The following VWA5B1 variants were observed in gnomAD, a reference collection of about 807,000 sequenced individuals.
The protein encoded by VWA5B1 is von Willebrand factor A domain containing 5B1.
In VWA5B1, 115 loss-of-function variants were observed where a neutral mutation model predicts 118.2. The ratio of observed to expected loss-of-function variants is 0.97; its 90% CI spans 0.84 to 1.14. The LOEUF (loss-of-function observed/expected upper bound fraction) is 1.14. Among genes scored for constraint, VWA5B1 ranks in the 50% most tolerant of loss-of-function variants. The pLI, the probability that VWA5B1 is intolerant of heterozygous loss-of-function variation, is 0.00. For synonymous variants in VWA5B1, 682 were observed against 658.4 expected (o/e 1.04, Z -0.55); for missense variants, 1,596 against 1,603.8 (o/e 1.00, Z 0.08).
chr1:20,343,265 C>T lies in VWA5B1; in HGVS notation c.2498C>T (p.Thr833Ile), dbSNP rs1302054918. 2.6e-6 allele frequency: 4 copies of T among 1,548,558 alleles called. No homozygotes were observed. Among genetic ancestry groups the T allele is most frequent in the African/African-American group, 1.4e-5 (1 of 73,146 alleles). ...TGGGAGGTGAGCTTCGAGCTGGGGA[C>T]CCCTGGACCGGAGCGGGGCGGCGCG... ...LQWEVSFELG[T>I]PGPERGGAQD... Residue 833 changes from threonine to isoleucine, a missense_variant, in exon 16 of 22, where the codon ACC becomes ATC. Transcript: ENST00000289815.
chr1:20,334,184 T>C (rs534477766), intron 12 of VWA5B1, among the ~76,000 whole-genome samples: 2 of 152,314 alleles, frequency 1.3e-5, no homozygotes, highest in East Asian at 3.9e-4. Context: ...TTTTTTAATG[T>C]TATGAAATGT....
rs2089759093 is a variant in VWA5B1, at chr1:20,337,706, C to A, written c.2003C>A (p.Pro668His). The stretch of plus-strand genomic sequence containing the variant: ...ACCAACCAGATCACCAATCACAAGC[C>A]CCTCCCAAGAGCCACCATGGCAAGT... ...YSTNQITNHK[P>H]LPRATMASDP... is the part of the protein sequence containing the mutation. Residue 668 changes from proline to histidine, a missense_variant, in exon 14 of 22, where the codon CCC becomes CAC. Pro to His is a moderately conservative substitution (Grantham distance 77, BLOSUM62 -2). Transcript: ENST00000289815. The A allele has an allele frequency of 1.3e-6, 2 of 1,551,602 alleles. No individual in the cohort carries two copies. The highest frequency in any genetic ancestry group is 3.9e-5 in the Admixed American group (2 of 50,986).
In VWA5B1 at chr1:20,337,641, T is replaced by C. The variant is rs779757774; in HGVS notation, c.1943-5T>C. Reference sequence around the variant, plus strand: ...TGATGGTTCCCCATCACTATCCCTGTCCAGATCTGAACCTCTCTCAGCGAC... The same window carrying C: ...TGATGGTTCCCCATCACTATCCCTGCCCAGATCTGAACCTCTCTCAGCGAC... On this transcript the variant is annotated splice_polypyrimidine_tract_variant and splice_region_variant and intron_variant, in intron 13 of 21. Transcript: ENST00000289815. 6.5e-7 allele frequency: 1 copy of C among 1,550,184 alleles called. No individual in the cohort carries two copies. The highest frequency in any genetic ancestry group is 1.2e-5 in the South Asian group (1 of 83,874).
In VWA5B1 at chr1:20,337,583, T is replaced by A. The variant is rs1463803452; in HGVS notation, c.1943-63T>A. The A allele has an allele frequency of 4.1e-6, 6 of 1,474,658 alleles. No homozygotes were observed. In the Admixed American group the frequency reaches 1.4e-4, roughly 33 times the overall value. 91.3% of individuals were successfully genotyped at this position (1,474,658 alleles called of 1,614,324 possible). On this transcript the variant is annotated intron_variant, in intron 13 of 21. Transcript: ENST00000289815. ...AGACACTTCCAAACAGGAAAGGGGA[T>A]GCAAGCCCCACTCTTTCCCTGCTGT...
chr1:20,291,639 A>G (rs543837210), intron 1 of VWA5B1, among the ~76,000 whole-genome samples: 7 of 151,956 alleles, frequency 4.6e-5, no homozygotes, highest in African/African-American at 1.7e-4. Flanking sequence ...TGGGGCAGTC[A>G]GGAGCTCTGC....
intron 5 of VWA5B1, 25 bp from the exon 6 acceptor site, chr1:20,318,565 C>T (rs2089100452): frequency 6.4e-7 from 1 of 1,550,990 alleles, no homozygotes; most frequent in Non-Finnish European, 8.7e-7. Flanking sequence ...AGCCTATATC[C>T]CCCTTGCCTT....
At chr1:20,313,045 T>A (rs1570093784) in intron 3 of VWA5B1, 57 bp downstream of exon 3, 1 of 1,531,904 alleles carries the variant, frequency 6.5e-7, no homozygotes, top group Non-Finnish European at 8.8e-7. Flanking sequence ...AGAGGCTGCC[T>A]GGGCTGGAGC....
At chr1:20,301,963 G>T (rs143968059) in intron 1 of VWA5B1, among the ~76,000 whole-genome samples, 1 of 152,124 alleles carries the variant, frequency 6.6e-6, no homozygotes, top group Admixed American at 6.5e-5. Context: ...CCACTTCCTC[G>T]TTGATCTAAT....
In VWA5B1 at chr1:20,318,783, G is replaced by A; in HGVS notation, c.841+62G>A. ...GGGAGGGAGGAGGTGCTGATCCTGTGGGGACAGAACATGTGGCCCCCCGCC... is the reference window on the plus strand; with the variant it reads ...GGGAGGGAGGAGGTGCTGATCCTGTAGGGACAGAACATGTGGCCCCCCGCC... On this transcript the variant is annotated intron_variant, in intron 6 of 21. Transcript: ENST00000289815. The A allele has an allele frequency of 3.5e-6, 5 of 1,436,568 alleles. No individual in the cohort carries two copies. In the South Asian group the frequency reaches 6.1e-5, roughly 18 times the overall value. 89.0% of individuals were successfully genotyped at this position (1,436,568 alleles called of 1,614,324 possible).
In VWA5B1 at chr1:20,343,232, G is replaced by A. The variant is rs542054374; in HGVS notation, c.2465G>A (p.Arg822His). 1.4e-5 allele frequency: 21 copies of A among 1,549,404 alleles called. No homozygotes were observed. Among genetic ancestry groups the A allele is most frequent in the Middle Eastern group, 1.7e-4 (1 of 5,988 alleles). Residue 822 changes from arginine to histidine, a missense_variant, in exon 16 of 22, where the codon CGC (arginine) becomes CAC (histidine). Arg to His is a conservative substitution (Grantham distance 29). Coordinates refer to ENST00000289815, the MANE Select transcript of VWA5B1 (RefSeq NM_001039500.3). Reference protein sequence around the residue: ...ALVKGLHDSQRLQWEVSFELG... With the variant: ...ALVKGLHDSQHLQWEVSFELG... ...GTCAAAGGCCTGCACGACAGCCAACGCCTGCAGTGGGAGGTGAGCTTCGAG... is the reference window on the plus strand; with the variant it reads ...GTCAAAGGCCTGCACGACAGCCAACACCTGCAGTGGGAGGTGAGCTTCGAG...
At chr1:20,337,888 G>A (rs2089766045) in intron 14 of VWA5B1, 52 bp downstream of exon 14, 1 of 1,549,996 alleles carries the variant, frequency 6.5e-7, no homozygotes, top group South Asian at 1.2e-5. Context: ...ACAGGCAGGG[G>A]AGAGCTGTGT....
intron 11 of VWA5B1, 137 bp from the exon 12 acceptor site, chr1:20,332,629 A>C (rs1350765092): frequency 1.4e-6 from 1 of 737,728 alleles, no homozygotes; most frequent in Non-Finnish European, 2.1e-6. Context: ...AAGTGTGCTC[A>C]GTGCTAGGCA....
At position 20,322,146 on chromosome 1, in the gene VWA5B1, G is replaced by A. The variant is rs577756444; in HGVS notation, c.967-1210G>A. On this transcript the variant is annotated intron_variant, in intron 7 of 21. Transcript: ENST00000289815. The stretch of plus-strand genomic sequence containing the variant: ...GCATGTTAGCAGCAGGACTGGCAAT[G>A]CTTTGCTGCAGGATGGAATGCGTGG... Among the ~76,000 whole-genome samples, 19 of 152,356 alleles carry A rather than the reference G, an allele frequency of 1.2e-4. No homozygotes were observed. The East Asian group carries it at 3.5e-3, about 28-fold the overall frequency.
chr1:20,326,065 G>A (rs1261097891), intron 8 of VWA5B1, among the ~76,000 whole-genome samples: 1 of 152,176 alleles, frequency 6.6e-6, no homozygotes, highest in Non-Finnish European at 1.5e-5. Flanking sequence ...CAATCTGTAT[G>A]GATCAGCAGA....
Position 20,354,221 on chromosome 1 carries a change from T to C in VWA5B1, c.3606T>C (p.Asn1202=). ...TGCTTCTGCGGCACTGGGATGAGAATCTCGAGTTCAATATGCTCTGCTATA... is the reference window on the plus strand; with the variant it reads ...TGCTTCTGCGGCACTGGGATGAGAACCTCGAGTTCAATATGCTCTGCTATA... ...LFVLLRHWDE[N]LEFNMLCYNP... Residue 1202 remains asparagine (N), a synonymous_variant, in exon 22 of 22, where the codon AAT becomes AAC. Transcript: ENST00000289815. The C allele has an allele frequency of 6.4e-7, 1 of 1,550,916 alleles. No individual in the cohort carries two copies. The highest frequency in any genetic ancestry group is 1.2e-5 in the South Asian group (1 of 84,044).
At chr1:20,352,829 T>G (rs984083504) in intron 21 of VWA5B1, among the ~76,000 whole-genome samples, 4 of 152,236 alleles carry the variant, frequency 2.6e-5, no homozygotes, top group African/African-American at 9.6e-5. Context: ...AACTGAGCAC[T>G]AGGCATGTTT....
intron 7 of VWA5B1, among the ~76,000 whole-genome samples, chr1:20,320,612 G>C (rs969512180): frequency 7.2e-5 from 11 of 152,276 alleles, no homozygotes; most frequent in African/African-American, 1.2e-4. Context: ...ATTGGCTCGG[G>C]GATGGCGGAA....
chr1:20,333,016 A>G, intron 12 of VWA5B1, 65 bp downstream of exon 12: 1 of 1,513,072 alleles, frequency 6.6e-7, no homozygotes, highest in Non-Finnish European at 8.9e-7. Context: ...AATCAGCCTT[A>G]GCTGGAAAGA....
chr1:20,359,110 C>T lies in VWA5B1; in HGVS notation c.*4847C>T, dbSNP rs2090279057. Among the ~76,000 whole-genome samples the T allele has an allele frequency of 6.6e-6, 1 of 152,232 alleles. No individual in the cohort carries two copies. Among genetic ancestry groups the T allele is most frequent in the Non-Finnish European group, 1.5e-5 (1 of 68,044 alleles). On this transcript the variant is annotated 3_prime_UTR_variant, in exon 22 of 22. Transcript: ENST00000289815. ...GCCAGCCGTTTTGAGCTTACAGCCA[C>T]GTCCCAACGCAATGCGCCTCATCTC...
Sources: gnomAD v4.1 joint callset for allele counts (sites outside exome capture counted in the v4.1 genomes callset) on GRCh38, gnomAD v4.1.1 for gene constraint, MANE v1.5 for transcripts, NCBI Gene and HGNC (gene_info 2026-07-23, HGNC 2026-07-21) for gene names.